Variants in ANKMY2 observed in about 807,000 individuals in gnomAD.
ANKMY2 encodes the protein ankyrin repeat and MYND domain-containing protein 2.
ANKMY2 carries 36 observed loss-of-function variants against 50.4 expected under a neutral mutation model. The ratio of observed to expected loss-of-function variants is 0.71; its 90% CI spans 0.55 to 0.94. The LOEUF (loss-of-function observed/expected upper bound fraction) is 0.94, where lower values mean the gene tolerates loss of function less well. ANKMY2 is among the 40% of genes least tolerant of loss of function. The probability of loss-of-function intolerance (pLI) is 0.00; values close to 1 mark genes in which losing one functional copy is unlikely to be tolerated. For missense variants in ANKMY2, 565 were observed against 524.0 expected (o/e 1.08, Z -0.76); for synonymous variants, 187 against 178.8 (o/e 1.05, Z -0.36).
intron 4 of ANKMY2, among the ~76,000 whole-genome samples, chr7:16,621,315 C>A (rs1327235910): frequency 6.6e-6 from 1 of 152,126 alleles, no homozygotes; most frequent in Admixed American, 6.5e-5. Context: ...AGTCAGTCCC[C>A]TCCCCTAAAA....
At position 16,610,549 on chromosome 7, in the gene ANKMY2, CT is replaced by C; in HGVS notation, c.745del (p.Ser249AlafsTer3). 1 of 1,604,616 alleles carries C rather than the reference CT, an allele frequency of 6.2e-7. No homozygotes were observed. Among genetic ancestry groups the C allele is most frequent in the Non-Finnish European group, 8.5e-7 (1 of 1,174,124 alleles). On this transcript the variant is annotated frameshift_variant and splice_region_variant, in exon 6 of 10. Transcript: ENST00000306999. LOFTEE classifies it high-confidence loss of function. ...ATAAACGACATAGTAAAAAGAGTAC[CT>C]TTTGATCAAGGTGTCCAGTTTATTC... ...GENKLDTLIK[S>X]LLKGRASDGF... is the part of the protein sequence containing the mutation.
intron 5 of ANKMY2, among the ~76,000 whole-genome samples, chr7:16,611,226 A>AT (rs1019669806): frequency 1.1e-4 from 16 of 152,322 alleles, no homozygotes; most frequent in Admixed American, 6.5e-4. Context: ...AGAAAATGAG[A>AT]TTTTTTCAGA....
chr7:16,635,882 C>A (rs1781652341), intron 2 of ANKMY2, among the ~76,000 whole-genome samples: 1 of 152,146 alleles, frequency 6.6e-6, no homozygotes, highest in East Asian at 1.9e-4. Context: ...TTTATTTGCA[C>A]TTATTTGATT....
intron 4 of ANKMY2, among the ~76,000 whole-genome samples, chr7:16,623,087 A>T (rs13227570): frequency 6.6e-6 from 1 of 152,178 alleles, no homozygotes; most frequent in African/African-American, 2.4e-5. Flanking sequence ...AGTGAAGAAA[A>T]CAAGCTACAA....
At chr7:16,631,215 G>A (rs1781576949) in intron 2 of ANKMY2, among the ~76,000 whole-genome samples, 1 of 152,160 alleles carries the variant, frequency 6.6e-6, no homozygotes, top group African/African-American at 2.4e-5. Context: ...GAATTACACT[G>A]AAAGGTTTTC....
intron 6 of ANKMY2, 99 bp from the exon 7 acceptor site, chr7:16,609,864 A>AT: frequency 7.1e-7 from 1 of 1,408,068 alleles, no homozygotes; most frequent in South Asian, 1.3e-5. Flanking sequence ...GTTACTTATG[A>AT]TTTTCTTTGT....
intron 7 of ANKMY2, 62 bp downstream of exon 7, chr7:16,609,568 C>A: frequency 1.3e-6 from 2 of 1,491,206 alleles, no homozygotes; most frequent in African/African-American, 1.5e-5. Context: ...TTGCCTTTAA[C>A]AATACAATAG....
chr7:16,644,231 C>G (rs957870646), intron 1 of ANKMY2, among the ~76,000 whole-genome samples: 1 of 152,240 alleles, frequency 6.6e-6, no homozygotes, highest in African/African-American at 2.4e-5. Flanking sequence ...AACTGAAAGA[C>G]TGAAATGCCA....
At chr7:16,638,846 T>C (rs922515385) in intron 1 of ANKMY2, among the ~76,000 whole-genome samples, 3 of 91,738 alleles carry the variant, frequency 3.3e-5, no homozygotes, top group African/African-American at 1.4e-4. Flanking sequence ...ATTAGAACAA[T>C]AGATGCACCT....
intron 2 of ANKMY2, among the ~76,000 whole-genome samples, chr7:16,634,499 G>A (rs1270324299): frequency 1.3e-5 from 2 of 152,190 alleles, no homozygotes; most frequent in Admixed American, 1.3e-4. Context: ...CCCAGGAAGA[G>A]TAAAAGAGAG....
At chr7:16,631,702 C>T (rs977083931) in intron 2 of ANKMY2, among the ~76,000 whole-genome samples, 1 of 151,766 alleles carries the variant, frequency 6.6e-6, no homozygotes, top group African/African-American at 2.4e-5. Context: ...GCAACTTCCG[C>T]CTCCAGGGTT....
At chr7:16,626,009 T>A (rs1035645934) in intron 3 of ANKMY2, among the ~76,000 whole-genome samples, 2 of 136,106 alleles carry the variant, frequency 1.5e-5, no homozygotes, top group Non-Finnish European at 3.1e-5. Context: ...TGAGACAGAG[T>A]CTCACTGTGT....
chr7:16,614,032 T>C (rs1286362106), intron 5 of ANKMY2, among the ~76,000 whole-genome samples: 2 of 152,056 alleles, frequency 1.3e-5, no homozygotes, highest in African/African-American at 4.8e-5. Context: ...TTCAAGTCAG[T>C]CTAAGCCAGA....
intron 5 of ANKMY2, among the ~76,000 whole-genome samples, chr7:16,613,645 C>A (rs1781293518): frequency 6.6e-6 from 1 of 152,024 alleles, no homozygotes; most frequent in Non-Finnish European, 1.5e-5. Context: ...AAAATATATA[C>A]CTTCAAAGAT....
chr7:16,634,665 A>G (rs1204391017), intron 2 of ANKMY2, among the ~76,000 whole-genome samples: 1 of 152,200 alleles, frequency 6.6e-6, no homozygotes, highest in Non-Finnish European at 1.5e-5. Flanking sequence ...TCCAGTGCTC[A>G]CACAGGGCCA....
At chr7:16,625,369 A>G (rs1781494218) in intron 3 of ANKMY2, among the ~76,000 whole-genome samples, 1 of 152,186 alleles carries the variant, frequency 6.6e-6, no homozygotes, top group Admixed American at 6.5e-5. Flanking sequence ...TAGAGGTAAC[A>G]CTTACTATAA....
At position 16,628,038 on chromosome 7, in the gene ANKMY2, C is replaced by G. The variant is rs575574755; in HGVS notation, c.133-860G>C. On this transcript the variant is annotated intron_variant, in intron 2 of 9. Coordinates refer to ENST00000306999, the MANE Select transcript of ANKMY2 (RefSeq NM_020319.3). ...ACGCTAGGCTACACTGTTTGGTCTC[C>G]ATATGCTTTGTGCATATTCAACAAA... Among the ~76,000 whole-genome samples the G allele has an allele frequency of 2.0e-3, 302 of 152,278 alleles. 2 individuals carry two copies. Among genetic ancestry groups the G allele is most frequent in the African/African-American group, 7.0e-3 (292 of 41,550 alleles).
At chr7:16,628,776 A>T (rs1015330890) in intron 2 of ANKMY2, among the ~76,000 whole-genome samples, 1 of 152,120 alleles carries the variant, frequency 6.6e-6, no homozygotes, top group African/African-American at 2.4e-5. Context: ...CCCCGACTTC[A>T]TCATGGAGTT....
intron 4 of ANKMY2, among the ~76,000 whole-genome samples, chr7:16,622,113 G>T (rs1781444738): frequency 6.6e-6 from 1 of 151,898 alleles, no homozygotes. Flanking sequence ...GAAGAAGGAG[G>T]AGGAGGAGGA....
Sources: gnomAD v4.1 joint callset for allele counts (sites outside exome capture counted in the v4.1 genomes callset) on GRCh38, gnomAD v4.1.1 for gene constraint, MANE v1.5 for transcripts, NCBI Gene and HGNC (gene_info 2026-07-23, HGNC 2026-07-21) for gene names.